Variants in ADGRB1 observed in about 807,000 individuals in gnomAD.
The protein encoded by ADGRB1 is adhesion G protein-coupled receptor B1.
ADGRB1 carries 36 observed loss-of-function variants against 175.7 expected under a neutral mutation model. The observed-to-expected ratio is 0.20, with a 90% CI of 0.16 to 0.27. ADGRB1 has a LOEUF of 0.27. ADGRB1 is among the 10% of genes least tolerant of loss of function. The probability of loss-of-function intolerance (pLI) is 1.00; values close to 1 mark genes in which losing one functional copy is unlikely to be tolerated. For missense variants in ADGRB1, 1,731 were observed against 2,255.3 expected (o/e 0.77, Z 4.71); for synonymous variants, 1,054 against 979.4 (o/e 1.08, Z -1.42).
chr8:142,453,147 G>T (rs1587231631), intron 1 of ADGRB1, among the ~76,000 whole-genome samples: 1 of 151,986 alleles, frequency 6.6e-6, no homozygotes, highest in Middle Eastern at 3.4e-3. Flanking sequence ...CCCCGTGTGC[G>T]GTGCGCTGGC....
At chr8:142,453,032 G>A (rs1467870727) in intron 1 of ADGRB1, among the ~76,000 whole-genome samples, 5 of 65,474 alleles carry the variant, frequency 7.6e-5, no homozygotes, top group Admixed American at 2.4e-4. Context: ...CCTCCCGCCC[G>A]CCCGCCCGCC....
intron 27 of ADGRB1, 186 bp downstream of exon 27, chr8:142,539,599 C>A (rs1845144596): frequency 1.5e-6 from 1 of 681,476 alleles, no homozygotes; most frequent in East Asian, 2.7e-5. Context: ...CAGCCTTCCA[C>A]CCCCGTCCAC....
chr8:142,506,692 G>A (rs1054836188), intron 17 of ADGRB1, among the ~76,000 whole-genome samples: 9 of 152,238 alleles, frequency 5.9e-5, no homozygotes, highest in African/African-American at 2.2e-4. Flanking sequence ...GATGTTGTAA[G>A]TCAGGATCTG....
At chr8:142,529,828 G>A (rs1056051843) in intron 24 of ADGRB1, among the ~76,000 whole-genome samples, 1 of 151,068 alleles carries the variant, frequency 6.6e-6, no homozygotes, top group African/African-American at 2.4e-5. Flanking sequence ...GTGCAACCCG[G>A]TGTGTGTATG....
At chr8:142,509,235 C>T (rs1040014583) in intron 17 of ADGRB1, among the ~76,000 whole-genome samples, 1 of 152,224 alleles carries the variant, frequency 6.6e-6, no homozygotes, top group African/African-American at 2.4e-5. Flanking sequence ...CATGCTTGCT[C>T]TGAGCCCGGC....
At chr8:142,490,280 A>G (rs571731067) in intron 16 of ADGRB1, among the ~76,000 whole-genome samples, 54 of 152,350 alleles carry the variant, frequency 3.5e-4, no homozygotes, top group African/African-American at 1.3e-3. Flanking sequence ...AGCCACCCTC[A>G]GGAGCTGTGG....
In ADGRB1 at chr8:142,491,794, G is replaced by C. The variant is rs563443970; in HGVS notation, c.2675+979G>C. On this transcript the variant is annotated intron_variant, in intron 17 of 30. Coordinates refer to ENST00000517894, the MANE Select transcript of ADGRB1 (RefSeq NM_001702.3). ...GGTCAGCATGGCCACCTGGGTGCCGGTGGCACTTGTGATGGTCCCTTGCGT... is the reference window on the plus strand; with the variant it reads ...GGTCAGCATGGCCACCTGGGTGCCGCTGGCACTTGTGATGGTCCCTTGCGT... 2.0e-5 allele frequency among the ~76,000 whole-genome samples: 3 copies of C among 152,320 alleles called. No individual in the cohort carries two copies. In the South Asian group the frequency reaches 6.2e-4, roughly 32 times the overall value.
intron 1 of ADGRB1, among the ~76,000 whole-genome samples, chr8:142,458,658 A>G (rs1034013540): frequency 6.6e-6 from 1 of 150,858 alleles, no homozygotes; most frequent in Non-Finnish European, 1.5e-5. Flanking sequence ...GACCAGTGGC[A>G]CCCCCCGCCC....
At position 142,474,530 on chromosome 8, in the gene ADGRB1, C is replaced by A. The variant is rs964713237; in HGVS notation, c.785-944C>A. ...CTTCCCGGCCCCCTGGTGCTGCTGC[C>A]CCTCTCTGGCCCACAGATGGCAGTG... On this transcript the variant is annotated intron_variant, in intron 2 of 30. Coordinates refer to ENST00000517894, the MANE Select transcript of ADGRB1 (RefSeq NM_001702.3). The surrounding 1 kb of genome is among the most constrained non-coding windows in gnomAD (Gnocchi z 5.8). 6.6e-6 allele frequency among the ~76,000 whole-genome samples: 1 copy of A among 152,174 alleles called. No homozygotes were observed.
At chr8:142,457,499 G>T (rs1587240776) in intron 1 of ADGRB1, among the ~76,000 whole-genome samples, 2 of 152,236 alleles carry the variant, frequency 1.3e-5, no homozygotes, top group Middle Eastern at 3.4e-3. Flanking sequence ...GGCCTGGCAG[G>T]CTCTGTGAAC....
At chr8:142,463,427 C>T (rs905310259) in intron 1 of ADGRB1, among the ~76,000 whole-genome samples, 4 of 152,250 alleles carry the variant, frequency 2.6e-5, no homozygotes, top group Admixed American at 6.5e-5. Context: ...GGGGGCCAGA[C>T]GGGAGGCTGG....
chr8:142,518,084 C>G (rs554101034), intron 18 of ADGRB1, 54 bp from the exon 19 acceptor site: 2 of 1,561,978 alleles, frequency 1.3e-6, no homozygotes, highest in African/African-American at 1.4e-5. Context: ...TCGGGTCTGC[C>G]GAGTGGGCGA....
At chr8:142,523,404 A>AG (rs55803503) in intron 22 of ADGRB1, among the ~76,000 whole-genome samples, 151,591 of 151,598 alleles carry the variant, frequency 1, 75,792 homozygotes, top group Middle Eastern at 1. Context: ...GCTGAGTGGG[A>AG]GGGCGGAGCA....
chr8:142,470,219 T>G (rs1048811312), intron 2 of ADGRB1, among the ~76,000 whole-genome samples: 3 of 152,192 alleles, frequency 2.0e-5, no homozygotes, highest in Admixed American at 6.5e-5. Context: ...CTGGCTCTCA[T>G]CACTTCCTCC....
chr8:142,473,327 T>C (rs1004493021), intron 2 of ADGRB1, among the ~76,000 whole-genome samples: 2 of 152,206 alleles, frequency 1.3e-5, no homozygotes, highest in Admixed American at 6.5e-5. Context: ...GTCTGTGCCT[T>C]TGCCTCAGAA....
chr8:142,497,436 C>T (rs771036992), intron 17 of ADGRB1, among the ~76,000 whole-genome samples: 66 of 151,952 alleles, frequency 4.3e-4, no homozygotes, highest in Non-Finnish European at 7.1e-4. Context: ...TGTCAGCAGC[C>T]GGTTCCCAGC....
chr8:142,542,703 C>T lies in ADGRB1; in HGVS notation c.4413+56C>T, dbSNP rs1845352744. ...GCCAGCGAGGGCAGGGCTGCAGCAG[C>T]TGGGTCACCCCTGCTGGGTGGGACC... On this transcript the variant is annotated intron_variant, in intron 28 of 30. Transcript: ENST00000517894. This position sits in a 1 kb window ranked among gnomAD's most constrained non-coding sequence, Gnocchi z 6.3. 1 of 1,458,056 alleles carries T rather than the reference C, an allele frequency of 6.9e-7. No individual in the cohort carries two copies. Among genetic ancestry groups the T allele is most frequent in the Non-Finnish European group, 9.2e-7 (1 of 1,087,510 alleles). 90.3% of individuals were successfully genotyped at this position (1,458,056 alleles called of 1,614,324 possible).
At chr8:142,487,543 G>A (rs1345906365) in intron 13 of ADGRB1, among the ~76,000 whole-genome samples, 1 of 152,158 alleles carries the variant, frequency 6.6e-6, no homozygotes, top group African/African-American at 2.4e-5. Context: ...TCCTCTCCCT[G>A]CCGCATCTTG....
chr8:142,502,174 GT>G, intron 17 of ADGRB1, among the ~76,000 whole-genome samples: 1 of 44,682 alleles, frequency 2.2e-5, no homozygotes, highest in Middle Eastern at 0.01. Context: ...GGTAGTAATG[GT>G]TGCGTGGTTT....
Sources: allele counts gnomAD v4.1 joint callset (sites outside exome capture counted in the v4.1 genomes callset), GRCh38; gene constraint gnomAD v4.1.1; non-coding constraint Gnocchi (gnomAD v3.1); transcripts MANE v1.5; gene names NCBI Gene and HGNC (gene_info 2026-07-23, HGNC 2026-07-21).